WASHC5: variants seen among roughly 807,000 people sequenced by gnomAD.
WASHC5 encodes the protein WASH complex subunit 5.
WASHC5 carries 101 observed loss-of-function variants against 150.4 expected under a neutral mutation model. The observed-to-expected ratio is 0.67, with a 90% CI of 0.57 to 0.79. The LOEUF (loss-of-function observed/expected upper bound fraction) is 0.79. Ranked by LOEUF, WASHC5 falls within the 30% of genes least tolerant of loss-of-function variation. WASHC5 has a pLI of 0.00. For missense variants in WASHC5, 1,195 were observed against 1,396.3 expected, an observed-to-expected ratio of 0.86 and a Z score of 2.30; for synonymous variants, 467 against 491.2, an observed-to-expected ratio of 0.95 and a Z score of 0.65.
chr8:125,081,392 C>T (rs1193927959), intron 5 of WASHC5, among the ~76,000 whole-genome samples: 2 of 152,022 alleles, frequency 1.3e-5, no homozygotes, highest in Admixed American at 1.3e-4. Context: ...CGCCCACCAC[C>T]GTGCCTGGCT....
chr8:125,037,374 A>T, intron 25 of WASHC5, 41 bp from the exon 26 acceptor site: 1 of 1,115,582 alleles, frequency 9.0e-7, no homozygotes, highest in East Asian at 2.4e-5. Context: ...GTTAAATCAC[A>T]TTGCACAATA....
intron 11 of WASHC5, among the ~76,000 whole-genome samples, chr8:125,061,582 T>C (rs1191065916): frequency 6.6e-6 from 1 of 152,044 alleles, no homozygotes; most frequent in Non-Finnish European, 1.5e-5. Flanking sequence ...TGTATCCAGA[T>C]GAAAGGCAGA....
chr8:125,026,588 T>C (rs1460354736), intron 28 of WASHC5, among the ~76,000 whole-genome samples: 1 of 152,188 alleles, frequency 6.6e-6, no homozygotes, highest in Non-Finnish European at 1.5e-5. Context: ...TTTGATAACA[T>C]AGGAGATGTA....
At chr8:125,040,350 ATATT>A (rs1815849483) in intron 23 of WASHC5, among the ~76,000 whole-genome samples, 1 of 152,174 alleles carries the variant, frequency 6.6e-6, no homozygotes, top group African/African-American at 2.4e-5. Context: ...AATTGGGTGA[ATATT>A]AAGTCTGTCC....
At chr8:125,052,733 CACAGT>C (rs1039135896) in intron 17 of WASHC5, among the ~76,000 whole-genome samples, 1 of 151,982 alleles carries the variant, frequency 6.6e-6, no homozygotes, top group African/African-American at 2.4e-5. Context: ...TAGACCAATC[CACAGT>C]ACGAATGCAC....
At chr8:125,051,172 T>C (rs1006980028) in intron 17 of WASHC5, among the ~76,000 whole-genome samples, 7 of 152,196 alleles carry the variant, frequency 4.6e-5, no homozygotes, top group Admixed American at 1.3e-4. Flanking sequence ...TCTTTCAGCA[T>C]TCTTGGAATT....
intron 26 of WASHC5, among the ~76,000 whole-genome samples, chr8:125,034,480 G>A (rs1273759499): frequency 2.6e-5 from 4 of 152,028 alleles, no homozygotes; most frequent in Admixed American, 1.3e-4. Flanking sequence ...TTCAGCCTGG[G>A]TGACAGAGTG....
Position 125,060,617 on chromosome 8 carries a change from A to G in WASHC5, c.1521+465T>C, listed in dbSNP as rs181396015. Reference sequence around the variant, plus strand: ...TTTGGTACAATCATTTTTGAGTTGAAAGAAAAACAATAAACTATTTTTTTC... The same window carrying G: ...TTTGGTACAATCATTTTTGAGTTGAGAGAAAAACAATAAACTATTTTTTTC... On this transcript the variant is annotated intron_variant, in intron 12 of 28. Coordinates refer to ENST00000318410, the MANE Select transcript of WASHC5 (RefSeq NM_014846.4). 1.4e-4 allele frequency among the ~76,000 whole-genome samples: 22 copies of G among 152,148 alleles called. No homozygotes were observed. In the East Asian group the frequency reaches 2.3e-3, roughly 16 times the overall value.
rs544115118 is a variant in WASHC5 at position 125,047,391 on chromosome 8, T to C, written c.2380-60A>G. ...TTGATAAGATAACCTAGTTATCCCT[T>C]TTCCATATAATTTTACAAAGATAAT... On this transcript the variant is annotated intron_variant, in intron 19 of 28. Transcript: ENST00000318410. 27 of 1,526,412 alleles carry C rather than the reference T, an allele frequency of 1.8e-5. No homozygotes were observed. The African/African-American group carries it at 3.6e-4, about 20-fold the overall frequency. 94.6% of individuals were successfully genotyped at this position (1,526,412 alleles called of 1,614,324 possible). A position where few individuals can be genotyped will look rare whatever the true frequency, so the allele number is the denominator to read the frequency against.
chr8:125,040,755 G>A (rs1815860947), intron 23 of WASHC5: 1 of 152,198 alleles, frequency 6.6e-6, no homozygotes. Context: ...TAAGTTTCCT[G>A]AGGCCTCCAC....
At chr8:125,089,495 G>C (rs1174832563) in intron 1 of WASHC5, among the ~76,000 whole-genome samples, 1 of 152,206 alleles carries the variant, frequency 6.6e-6, no homozygotes, top group African/African-American at 2.4e-5. Context: ...GTGGCCTGCA[G>C]GCCTCAGGCT....
intron 1 of WASHC5, among the ~76,000 whole-genome samples, chr8:125,087,930 T>C (rs1012263056): frequency 2.6e-5 from 4 of 152,114 alleles, no homozygotes; most frequent in African/African-American, 9.7e-5. Flanking sequence ...CTGTGATAAG[T>C]GCCGTGAAGA....
intron 10 of WASHC5, 68 bp downstream of exon 10, chr8:125,067,524 T>C: frequency 7.3e-7 from 1 of 1,374,662 alleles, no homozygotes; most frequent in Non-Finnish European, 1.0e-6. Context: ...TCCTAGTCTT[T>C]TTTTTAAAAA....
At chr8:125,066,897 G>GCAGA (rs1462246226) in intron 10 of WASHC5, among the ~76,000 whole-genome samples, 5 of 152,176 alleles carry the variant, frequency 3.3e-5, no homozygotes, top group African/African-American at 1.2e-4. Context: ...AGAAGCTCTT[G>GCAGA]CGTCTCTTCT....
intron 17 of WASHC5, among the ~76,000 whole-genome samples, chr8:125,051,181 T>G: frequency 6.6e-6 from 1 of 152,208 alleles, no homozygotes; most frequent in East Asian, 1.9e-4. Context: ...ATTCTTGGAA[T>G]TAGGGAGATA....
At position 125,043,877 on chromosome 8, in the gene WASHC5, G is replaced by A. The variant is rs1459133980; in HGVS notation, c.2798C>T (p.Ala933Val). ...VANSNKIYFS[A>V]IAKTQKIWTA... ...CCAAATCTTCTGTGTTTTGGCAATGGCGGAAAAATAAATTTTATTTGAATT... is the reference window on the plus strand; with the variant it reads ...CCAAATCTTCTGTGTTTTGGCAATGACGGAAAAATAAATTTTATTTGAATT... The change falls in exon 23 of 29, where the codon GCC (alanine) becomes GTC (valine). Residue 933 changes from alanine (A) to valine (V), a missense_variant. By Grantham distance (64) the Ala-to-Val change is moderately conservative. Coordinates refer to ENST00000318410, the MANE Select transcript of WASHC5 (RefSeq NM_014846.4). 6.2e-7 allele frequency: 1 copy of A among 1,612,844 alleles called. No homozygotes were observed. Among genetic ancestry groups the A allele is most frequent in the Non-Finnish European group, 8.5e-7 (1 of 1,178,998 alleles).
At position 125,057,351 on chromosome 8, in the gene WASHC5, A is replaced by G. The variant is rs77596281; in HGVS notation, c.1875+205T>C. Among the ~76,000 whole-genome samples the G allele has an allele frequency of 0.026, 3,994 of 152,342 alleles. 180 individuals carry two copies. The highest frequency in any genetic ancestry group is 0.092 in the African/African-American group (3,824 of 41,546). ...TACCACCAACACTTAAAACACAGAA[A>G]TAAAAGTTCCTGGCAAGTAAAAACA... On this transcript the variant is annotated intron_variant, in intron 15 of 28. Coordinates refer to ENST00000318410, the MANE Select transcript of WASHC5 (RefSeq NM_014846.4).
chr8:125,073,007 G>A, intron 9 of WASHC5, 146 bp downstream of exon 9: 1 of 817,978 alleles, frequency 1.2e-6, no homozygotes, highest in South Asian at 1.5e-5. Context: ...TATCCAAGTT[G>A]ACAAAAAATG....
At chr8:125,037,128 T>G in intron 26 of WASHC5, 109 bp downstream of exon 26, 1 of 722,604 alleles carries the variant, frequency 1.4e-6, no homozygotes. Flanking sequence ...TAAATTTAAC[T>G]AAGAAAAGAT....
Sources: gnomAD v4.1 joint callset for allele counts (sites outside exome capture counted in the v4.1 genomes callset) on GRCh38, gnomAD v4.1.1 for gene constraint, MANE v1.5 for transcripts, NCBI Gene and HGNC (gene_info 2026-07-23, HGNC 2026-07-21) for gene names.